Variants in ENOX2 observed in about 807,000 individuals in gnomAD.
The protein encoded by ENOX2 is APK1 antigen.
Under a neutral mutation model 45.0 loss-of-function variants are expected in ENOX2, and 36 were observed. That is an observed-to-expected ratio of 0.80 (90% CI 0.61 to 1.06). ENOX2 has a LOEUF of 1.06. Among genes scored for constraint, ENOX2 ranks in the 50% least tolerant of loss-of-function variants. The probability of loss-of-function intolerance (pLI) is 0.00; values close to 1 mark genes in which losing one functional copy is unlikely to be tolerated. For missense variants in ENOX2, 423 were observed against 462.5 expected, an observed-to-expected ratio of 0.91 and a Z score of 0.78; for synonymous variants, 174 against 152.3, an observed-to-expected ratio of 1.14 and a Z score of -1.05.
At chrX:130,785,143 T>C (rs1401115334) in intron 2 of ENOX2, among the ~76,000 whole-genome samples, 5 of 107,959 alleles carry the variant, frequency 4.6e-5, no homozygotes, top group Non-Finnish European at 9.6e-5. Flanking sequence ...CTGACCAACA[T>C]GGAGAAACCC....
chrX:130,874,523 G>A (rs1325112261), intron 2 of ENOX2, among the ~76,000 whole-genome samples: 2 of 112,003 alleles, frequency 1.8e-5, no homozygotes, highest in Non-Finnish European at 3.8e-5. Context: ...GCAAGGGAAT[G>A]AGATACAGAA....
intron 3 of ENOX2, among the ~76,000 whole-genome samples, chrX:130,721,331 T>C (rs775598357): frequency 1.3e-3 from 142 of 112,281 alleles, no homozygotes; most frequent in African/African-American, 4.5e-3. Context: ...TATTAAGACA[T>C]ACAAAGTGGT....
intron 3 of ENOX2, among the ~76,000 whole-genome samples, chrX:130,736,676 G>T (rs767044006): frequency 9.0e-6 from 1 of 111,593 alleles, no homozygotes; most frequent in Non-Finnish European, 1.9e-5. Flanking sequence ...CCTATAGGTG[G>T]TATTTACTGA....
At chrX:130,767,423 G>A (rs766202307) in intron 3 of ENOX2, among the ~76,000 whole-genome samples, 7 of 111,290 alleles carry the variant, frequency 6.3e-5, no homozygotes, top group Non-Finnish European at 1.1e-4. Flanking sequence ...CTGGAATATG[G>A]ACAATCTCAC....
intron 2 of ENOX2, among the ~76,000 whole-genome samples, chrX:130,785,562 T>C (rs765391739): frequency 9.0e-6 from 1 of 111,267 alleles, no homozygotes; most frequent in South Asian, 3.7e-4. Flanking sequence ...CACTGCATCA[T>C]ATACATGTTC....
intron 2 of ENOX2, among the ~76,000 whole-genome samples, chrX:130,795,036 T>C (rs1196742339): frequency 3.6e-5 from 4 of 112,294 alleles, no homozygotes; most frequent in African/African-American, 1.3e-4. Context: ...GCGTCACTAA[T>C]GTTCTGGAAT....
chrX:130,735,352 A>G (rs755288284), intron 3 of ENOX2, among the ~76,000 whole-genome samples: 1 of 112,205 alleles, frequency 8.9e-6, no homozygotes, highest in Admixed American at 9.4e-5. Context: ...TCAGTCATTA[A>G]TATTTAATGT....
At chrX:130,870,244 AG>A (rs1174082678) in intron 2 of ENOX2, among the ~76,000 whole-genome samples, 2 of 111,731 alleles carry the variant, frequency 1.8e-5, no homozygotes. Context: ...CAATAAGAAA[AG>A]TTTAAAAACA....
chrX:130,694,875 TG>T (rs1448591598), intron 4 of ENOX2, among the ~76,000 whole-genome samples: 5 of 111,493 alleles, frequency 4.5e-5, no homozygotes, highest in Non-Finnish European at 9.4e-5. Flanking sequence ...CTTTTACCTT[TG>T]TGGTAGGGGA....
intron 2 of ENOX2, among the ~76,000 whole-genome samples, chrX:130,870,015 G>A (rs1035895782): frequency 7.2e-5 from 8 of 111,490 alleles, no homozygotes; most frequent in Admixed American, 3.8e-4. Context: ...GTGATGGTGA[G>A]TCTGTTCTTG....
intron 2 of ENOX2, among the ~76,000 whole-genome samples, chrX:130,820,226 A>G (rs2077571608): frequency 8.9e-6 from 1 of 112,420 alleles, no homozygotes; most frequent in Admixed American, 9.4e-5. Flanking sequence ...AATGTTACTA[A>G]TTATCAGGGA....
At chrX:130,775,722 G>A (rs1300593999) in intron 3 of ENOX2, among the ~76,000 whole-genome samples, 1 of 111,180 alleles carries the variant, frequency 9.0e-6, no homozygotes, top group Non-Finnish European at 1.9e-5. Context: ...CACAAGCCAT[G>A]TTCTTCAACA....
At chrX:130,808,908 T>C (rs2148444016) in intron 2 of ENOX2, among the ~76,000 whole-genome samples, 1 of 112,370 alleles carries the variant, frequency 8.9e-6, no homozygotes, top group South Asian at 3.7e-4. Flanking sequence ...ATTTTATATC[T>C]TTCTTAGTAT....
rs1182856379 is a variant in ENOX2, at chrX:130,866,777, T to G, written c.-183+34907A>C. On this transcript the variant is annotated intron_variant, in intron 2 of 14. Coordinates refer to ENST00000394363, the MANE Select transcript of ENOX2 (RefSeq NM_006375.4). ...TAGTCATATTTTTCCATATTTTGCT[T>G]TTTCATTGTCTCAGCTTTCTTATAT... is the stretch of plus-strand genomic sequence containing the variant. 2.7e-5 allele frequency among the ~76,000 whole-genome samples: 3 copies of G among 111,435 alleles called. No homozygotes were observed. The East Asian group carries it at 8.4e-4, about 31-fold the overall frequency.
intron 3 of ENOX2, among the ~76,000 whole-genome samples, chrX:130,717,132 C>T (rs1259993722): frequency 8.9e-6 from 1 of 112,024 alleles, no homozygotes; most frequent in Non-Finnish European, 1.9e-5. Flanking sequence ...GGAGTATTTG[C>T]TTATCCACTT....
intron 3 of ENOX2, among the ~76,000 whole-genome samples, chrX:130,747,566 C>T (rs1048336827): frequency 1.8e-5 from 2 of 112,164 alleles, no homozygotes; most frequent in Admixed American, 9.4e-5. Flanking sequence ...GAGTTTCACC[C>T]CTTGGTTGAC....
At chrX:130,649,495 C>T (rs1028640851) in intron 10 of ENOX2, among the ~76,000 whole-genome samples, 2 of 111,299 alleles carry the variant, frequency 1.8e-5, no homozygotes, top group Admixed American at 9.5e-5. Context: ...AAAGTGGCAA[C>T]GTAATATGAA....
chrX:130,661,395 C>T (rs2036684387), intron 9 of ENOX2, among the ~76,000 whole-genome samples: 1 of 110,139 alleles, frequency 9.1e-6, no homozygotes, highest in South Asian at 4.0e-4. Flanking sequence ...TACCATGTTG[C>T]CCAAGCTGGT....
intron 4 of ENOX2, among the ~76,000 whole-genome samples, chrX:130,701,374 A>T (rs2037893618): frequency 9.0e-6 from 1 of 110,935 alleles, no homozygotes; most frequent in East Asian, 2.8e-4. Flanking sequence ...ATTTCATATA[A>T]ATATATAAAA....
Sources: allele counts gnomAD v4.1 joint callset (sites outside exome capture counted in the v4.1 genomes callset), GRCh38; gene constraint gnomAD v4.1.1; transcripts MANE v1.5; gene names NCBI Gene and HGNC (gene_info 2026-07-23, HGNC 2026-07-21).